The following UBE2E2 variants were observed in gnomAD, a reference collection of about 807,000 sequenced individuals.
UBE2E2 encodes the protein ubiquitin-conjugating enzyme E2 E2.
UBE2E2 carries 6 observed loss-of-function variants against 24.7 expected under a neutral mutation model. That is an observed-to-expected ratio of 0.24 (90% CI 0.13 to 0.48). The LOEUF (loss-of-function observed/expected upper bound fraction) is 0.48. Ranked by LOEUF, UBE2E2 falls within the 20% of genes least tolerant of loss-of-function variation. The probability of loss-of-function intolerance (pLI) is 0.99; values close to 1 mark genes in which losing one functional copy is unlikely to be tolerated. For synonymous variants in UBE2E2, 104 were observed against 83.6 expected (o/e 1.24, Z -1.33); for missense variants, 169 against 245.0 (o/e 0.69, Z 2.07).
intron 3 of UBE2E2, among the ~76,000 whole-genome samples, chr3:23,429,191 A>G (rs372049630): frequency 2.0e-5 from 3 of 152,142 alleles, no homozygotes; most frequent in African/African-American, 7.2e-5. Context: ...ACTGGTTCAT[A>G]AGTGAATTCT....
chr3:23,253,483 G>A (rs981653580), intron 3 of UBE2E2, among the ~76,000 whole-genome samples: 1 of 152,198 alleles, frequency 6.6e-6, no homozygotes, highest in Non-Finnish European at 1.5e-5. Flanking sequence ...ATTGTACATA[G>A]TGCTGCTGAA....
intron 3 of UBE2E2, among the ~76,000 whole-genome samples, chr3:23,342,986 T>C (rs930693300): frequency 3.3e-5 from 5 of 152,108 alleles, no homozygotes; most frequent in Non-Finnish European, 7.4e-5. Context: ...GCTGGAGGAA[T>C]GGTGCTTATT....
chr3:23,431,167 T>C (rs1262974685), intron 3 of UBE2E2, among the ~76,000 whole-genome samples: 2 of 152,104 alleles, frequency 1.3e-5, no homozygotes, highest in Non-Finnish European at 2.9e-5. Flanking sequence ...TTGAGATGAG[T>C]GCTTGAGATA....
intron 5 of UBE2E2, among the ~76,000 whole-genome samples, chr3:23,586,827 G>A (rs1696637168): frequency 6.6e-6 from 1 of 151,766 alleles, no homozygotes; most frequent in African/African-American, 2.4e-5. Flanking sequence ...AATTATCTAT[G>A]TAAAAAGTTA....
At chr3:23,240,915 T>TATATATTATATATA (rs1697242666) in intron 3 of UBE2E2, among the ~76,000 whole-genome samples, 1 of 152,206 alleles carries the variant, frequency 6.6e-6, no homozygotes, top group Non-Finnish European at 1.5e-5. Flanking sequence ...GATTAGCTAC[T>TATATATTATATATA]TATATATTAA....
intron 4 of UBE2E2, among the ~76,000 whole-genome samples, chr3:23,524,255 C>G (rs1694937625): frequency 6.6e-6 from 1 of 152,052 alleles, no homozygotes; most frequent in East Asian, 1.9e-4. Context: ...CTTTCATGAT[C>G]TCTGTCCTCT....
chr3:23,505,762 G>A (rs988795487), intron 4 of UBE2E2, among the ~76,000 whole-genome samples: 7 of 152,226 alleles, frequency 4.6e-5, no homozygotes, highest in Admixed American at 1.3e-4. Flanking sequence ...CTAACTATGG[G>A]TTGCTTACTA....
intron 3 of UBE2E2, among the ~76,000 whole-genome samples, chr3:23,367,267 A>G (rs1305890071): frequency 1.3e-5 from 2 of 152,316 alleles, no homozygotes; most frequent in East Asian, 3.9e-4. Context: ...TTGGTATTAG[A>G]AACTCTGAAG....
intron 3 of UBE2E2, among the ~76,000 whole-genome samples, chr3:23,223,170 C>G (rs1226750954): frequency 1.3e-5 from 2 of 150,968 alleles, no homozygotes; most frequent in African/African-American, 2.4e-5. Context: ...CAGGTACATG[C>G]CACCATGCTC....
At chr3:23,313,267 A>G (rs1694462458) in intron 3 of UBE2E2, among the ~76,000 whole-genome samples, 1 of 146,466 alleles carries the variant, frequency 6.8e-6, no homozygotes, top group South Asian at 2.1e-4. Context: ...GATTATAGCT[A>G]CTCCTGCTGT....
intron 3 of UBE2E2, among the ~76,000 whole-genome samples, chr3:23,325,819 A>G (rs1559348224): frequency 6.6e-6 from 1 of 152,226 alleles, no homozygotes; most frequent in Non-Finnish European, 1.5e-5. Context: ...GGGAGCCCTT[A>G]TATCCTAACT....
chr3:23,243,334 T>C (rs1697306133), intron 3 of UBE2E2, among the ~76,000 whole-genome samples: 1 of 152,228 alleles, frequency 6.6e-6, no homozygotes, highest in Non-Finnish European at 1.5e-5. Context: ...CTTCATCTTT[T>C]ATGCTCCCAG....
At chr3:23,459,458 C>T (rs949012350) in intron 3 of UBE2E2, among the ~76,000 whole-genome samples, 1 of 152,198 alleles carries the variant, frequency 6.6e-6, no homozygotes. Context: ...TAGCTCTTCT[C>T]CAACTTGTAA....
intron 3 of UBE2E2, among the ~76,000 whole-genome samples, chr3:23,355,723 A>G (rs1695925939): frequency 2.0e-5 from 3 of 152,224 alleles, no homozygotes; most frequent in Non-Finnish European, 4.4e-5. Flanking sequence ...GTAGATACTA[A>G]AATCTCTGAT....
chr3:23,461,362 G>A (rs2125425359), intron 3 of UBE2E2, among the ~76,000 whole-genome samples: 1 of 151,782 alleles, frequency 6.6e-6, no homozygotes, highest in East Asian at 1.9e-4. Flanking sequence ...TTTGTCTTTA[G>A]TTTATTAAAT....
chr3:23,581,044 T>G lies in UBE2E2; in HGVS notation c.509-8690T>G, dbSNP rs533496770. ...TTTTATTTCAGGTAAATGGTGAAAT[T>G]GTTGGTCCTTTTATTATTTTTTTAA... is the stretch of plus-strand genomic sequence containing the variant. On this transcript the variant is annotated intron_variant, in intron 5 of 5. Transcript: ENST00000396703. Among the ~76,000 whole-genome samples, 46 of 152,240 alleles carry G rather than the reference T, an allele frequency of 3.0e-4. 1 individual carries two copies. In the South Asian group the frequency reaches 7.0e-3, roughly 23 times the overall value.
At chr3:23,415,935 C>T (rs1697618338) in intron 3 of UBE2E2, among the ~76,000 whole-genome samples, 1 of 152,006 alleles carries the variant, frequency 6.6e-6, no homozygotes, top group Non-Finnish European at 1.5e-5. Context: ...TGATGTTCCC[C>T]TCCCTGTGTC....
chr3:23,308,663 A>G (rs1453481641), intron 3 of UBE2E2, among the ~76,000 whole-genome samples: 1 of 152,196 alleles, frequency 6.6e-6, no homozygotes, highest in South Asian at 2.1e-4. Context: ...AGCTGAGTGT[A>G]TTAGTCAGGG....
chr3:23,252,968 A>G (rs1404928484), intron 3 of UBE2E2, among the ~76,000 whole-genome samples: 1 of 152,206 alleles, frequency 6.6e-6, no homozygotes, highest in African/African-American at 2.4e-5. Context: ...TGTTTTCTAA[A>G]TTTTATCTTT....
Sources: allele counts gnomAD v4.1 joint callset (sites outside exome capture counted in the v4.1 genomes callset), GRCh38; gene constraint gnomAD v4.1.1; transcripts MANE v1.5; gene names NCBI Gene and HGNC (gene_info 2026-07-23, HGNC 2026-07-21).